The following BLTP1 variants were observed in gnomAD, a reference collection of about 807,000 sequenced individuals.
BLTP1 encodes the protein fragile site-associated protein.
chr4:122,259,581 G>T, the BLTP1 span, among the ~76,000 whole-genome samples: 2 of 152,004 alleles, frequency 1.3e-5, no homozygotes, highest in Non-Finnish European at 2.9e-5. Flanking sequence ...TAACTTTCTG[G>T]CCAGGCGCGG....
chr4:122,200,204 A>G, the BLTP1 span: 9 of 975,870 alleles, frequency 9.2e-6, no homozygotes, highest in African/African-American at 1.6e-4. Flanking sequence ...TCAGTATTTT[A>G]ATGAATTCTT....
the BLTP1 span, chr4:122,200,903 A>C: frequency 6.8e-7 from 1 of 1,462,566 alleles, no homozygotes; most frequent in Admixed American, 2.5e-5. Context: ...GCTCAGTAGG[A>C]AAATGTTTTA....
the BLTP1 span, among the ~76,000 whole-genome samples, chr4:122,163,987 C>T: frequency 6.6e-6 from 1 of 152,170 alleles, no homozygotes; most frequent in African/African-American, 2.4e-5. Flanking sequence ...AATTCTAGAA[C>T]ATTGTAGGCA....
the BLTP1 span, among the ~76,000 whole-genome samples, chr4:122,212,642 T>TA: frequency 6.6e-6 from 1 of 152,070 alleles, no homozygotes; most frequent in Admixed American, 6.6e-5. Context: ...TAGTAATACA[T>TA]ATTCACCAAA....
the BLTP1 span, chr4:122,333,797 A>G: frequency 6.2e-7 from 1 of 1,608,616 alleles, no homozygotes; most frequent in Non-Finnish European, 8.5e-7. Context: ...ACATTCCCGG[A>G]GTTGATGTAA....
chr4:122,298,227 T>G, the BLTP1 span: 1 of 939,824 alleles, frequency 1.1e-6, no homozygotes. Flanking sequence ...AAAATCAGAA[T>G]CATGTAGTTT....
the BLTP1 span, chr4:122,161,036 C>T: frequency 2.8e-6 from 1 of 361,252 alleles, no homozygotes; most frequent in Non-Finnish European, 3.9e-6. Context: ...TTCTAGTATA[C>T]AGTAATGGTG....
At chr4:122,347,498 T>C in the BLTP1 span, 1 of 1,590,128 alleles carries the variant, frequency 6.3e-7, no homozygotes, top group South Asian at 1.1e-5. Flanking sequence ...GGATTTTTTG[T>C]TTGTTTTGTT....
the BLTP1 span, among the ~76,000 whole-genome samples, chr4:122,319,792 G>A: frequency 3.3e-5 from 5 of 151,998 alleles, no homozygotes; most frequent in East Asian, 5.8e-4. Context: ...ACCCGCCTTG[G>A]CCTCCCAAAA....
chr4:122,188,698 C>T, the BLTP1 span, among the ~76,000 whole-genome samples: 2 of 151,414 alleles, frequency 1.3e-5, no homozygotes, highest in South Asian at 4.2e-4. Flanking sequence ...TGATGGGATG[C>T]TGAGTGGGAG....
chr4:122,242,157 A>G, the BLTP1 span, among the ~76,000 whole-genome samples: 1 of 152,206 alleles, frequency 6.6e-6, no homozygotes, highest in East Asian at 1.9e-4. Context: ...CAGTTTATTA[A>G]AGAGATGTCT....
chr4:122,219,031 A>G, the BLTP1 span: 15 of 408,040 alleles, frequency 3.7e-5, no homozygotes, highest in Non-Finnish European at 5.0e-5. Context: ...CTGTTTAACC[A>G]TGCAAACCTT....
At chr4:122,170,523 C>T in the BLTP1 span, 89,623 of 1,335,392 alleles carry the variant, frequency 0.067, 3,349 homozygotes, top group Non-Finnish European at 0.075. Flanking sequence ...TAATCAACTT[C>T]GTTTATTAAA....
At chr4:122,350,476 G>GAATAGTGCCTAA in the BLTP1 span, 1 of 801,406 alleles carries the variant, frequency 1.2e-6, no homozygotes, top group Non-Finnish European at 1.5e-6. Context: ...CATGTGCTTA[G>GAATAGTGCCTAA]GCACTATTCT....
the BLTP1 span, among the ~76,000 whole-genome samples, chr4:122,317,491 CTTTAT>C: frequency 6.6e-6 from 1 of 152,120 alleles, no homozygotes; most frequent in African/African-American, 2.4e-5. Context: ...ATCCATTAAT[CTTTAT>C]CTGTTGCCTG....
chr4:122,272,426 A>T, the BLTP1 span: 1 of 1,578,080 alleles, frequency 6.3e-7, no homozygotes, highest in African/African-American at 1.4e-5. Context: ...TTTTTCTAAT[A>T]AAGTGCTATG....
chr4:122,197,583 T>G, the BLTP1 span: 40 of 373,534 alleles, frequency 1.1e-4, no homozygotes, highest in Admixed American at 4.5e-4. Flanking sequence ...TGAGAGCAGG[T>G]GCTGTTTTTT....
chr4:122,196,248 T>G, the BLTP1 span, among the ~76,000 whole-genome samples: 3 of 152,170 alleles, frequency 2.0e-5, no homozygotes, highest in Non-Finnish European at 4.4e-5. Flanking sequence ...GGTATATTAT[T>G]CCTGTGTTAC....
chr4:122,280,945 C>G, the BLTP1 span, among the ~76,000 whole-genome samples: 1 of 152,130 alleles, frequency 6.6e-6, no homozygotes, highest in South Asian at 2.1e-4. Flanking sequence ...CTTTTCCTTA[C>G]TATAGTATCA....
Sources: allele counts gnomAD v4.1 joint callset (sites outside exome capture counted in the v4.1 genomes callset), GRCh38; gene constraint gnomAD v4.1.1; transcripts MANE v1.5; gene names NCBI Gene and HGNC (gene_info 2026-07-23, HGNC 2026-07-21).